TMC5: variants seen among roughly 807,000 people sequenced by gnomAD.
TMC5 encodes transmembrane channel-like protein 5.
Under a neutral mutation model 110.5 loss-of-function variants are expected in TMC5, and 86 were observed. The observed-to-expected ratio is 0.78, with a 90% confidence interval of 0.65 to 0.93. TMC5 has a LOEUF of 0.93. Among genes scored for constraint, TMC5 ranks in the 40% least tolerant of loss-of-function variants. The pLI, the probability that TMC5 is intolerant of heterozygous loss-of-function variation, is 0.00. For missense variants in TMC5, 1,144 were observed against 1,222.8 expected, an observed-to-expected ratio of 0.94 and a Z score of 0.96; for synonymous variants, 455 against 439.5, an observed-to-expected ratio of 1.04 and a Z score of -0.44.
upstream of TMC5, among the ~76,000 whole-genome samples, chr16:19,417,372 T>C (rs899750373): frequency 3.4e-5 from 5 of 147,792 alleles, no homozygotes; most frequent in African/African-American, 1.3e-4. Context: ...TGAGCTGAGA[T>C]TGTGGCACTG....
upstream of TMC5, among the ~76,000 whole-genome samples, chr16:19,413,221 G>T (rs1182658651): frequency 1.3e-5 from 2 of 152,032 alleles, no homozygotes; most frequent in Non-Finnish European, 2.9e-5. Flanking sequence ...GACAAATGCT[G>T]CCTTTAAGTG....
At chr16:19,456,633 A>T in intron 5 of TMC5, 1 of 1,542,650 alleles carries the variant, frequency 6.5e-7, no homozygotes. Context: ...GTCCCAATCA[A>T]TGCGGGTGTG....
intron 20 of TMC5, among the ~76,000 whole-genome samples, chr16:19,495,638 G>A (rs1454512509): frequency 6.6e-6 from 1 of 152,010 alleles, no homozygotes; most frequent in Non-Finnish European, 1.5e-5. Flanking sequence ...GACTGCTTGA[G>A]GCCAGGAGTT....
chr16:19,497,650 A>T (rs1218895383), intron 21 of TMC5, among the ~76,000 whole-genome samples: 1 of 152,188 alleles, frequency 6.6e-6, no homozygotes, highest in Admixed American at 6.5e-5. Flanking sequence ...AAGAGTAGGG[A>T]AGGGTGACTT....
rs1555486287 is a variant in TMC5, at chr16:19,486,625, C to CA, written c.2364-320_2364-319insA. Among the ~76,000 whole-genome samples the CA allele has an allele frequency of 5.9e-5, 9 of 152,170 alleles. No individual in the cohort carries two copies. The South Asian group carries it at 6.2e-4, about 11-fold the overall frequency. On this transcript the variant is annotated intron_variant, in intron 15 of 21. Coordinates refer to ENST00000542583, the MANE Select transcript of TMC5 (RefSeq NM_001261841.2). ...CTCCTGACCTCAGGTGATTCACCCC[C>CA]TCTTGGCCTCCCAAAGTTCTGGGAT...
chr16:19,453,965 G>A (rs917178974), intron 5 of TMC5, among the ~76,000 whole-genome samples: 5 of 151,946 alleles, frequency 3.3e-5, no homozygotes, highest in Non-Finnish European at 7.4e-5. Context: ...CAATCCTCCC[G>A]CCTCAGCCTC....
chr16:19,454,633 G>GGGTTCTAGTTCA (rs1327743904), intron 5 of TMC5, among the ~76,000 whole-genome samples: 3 of 152,150 alleles, frequency 2.0e-5, no homozygotes, highest in Non-Finnish European at 4.4e-5. Context: ...AGGAATACAT[G>GGGTTCTAGTTCA]GGTTCTAGTT....
intron 3 of TMC5, 106 bp from the exon 4 acceptor site, chr16:19,443,975 A>C: frequency 8.7e-7 from 1 of 1,147,114 alleles, no homozygotes; most frequent in Non-Finnish European, 1.2e-6. Context: ...ATGGATAAAT[A>C]AATGGATGAA....
At chr16:19,458,704 C>T (rs1395011511) in intron 5 of TMC5, among the ~76,000 whole-genome samples, 1 of 152,186 alleles carries the variant, frequency 6.6e-6, no homozygotes, top group Non-Finnish European at 1.5e-5. Flanking sequence ...ATATTTTCCT[C>T]TTCCATCTTT....
chr16:19,459,867 G>T (rs1386392175), intron 5 of TMC5, among the ~76,000 whole-genome samples: 1 of 137,642 alleles, frequency 7.3e-6, no homozygotes, highest in Non-Finnish European at 1.5e-5. Flanking sequence ...GCAGTGGGCT[G>T]TGATTGTGCC....
chr16:19,444,092 G>A lies in TMC5; in HGVS notation c.800G>A (p.Arg267Lys). 6.2e-7 allele frequency: 1 copy of A among 1,613,928 alleles called. No homozygotes were observed. The highest frequency in any genetic ancestry group is 8.5e-7 in the Non-Finnish European group (1 of 1,179,932). ...ATTTTGGATTTTAGGGTGCTCAGCA[G>A]AACATCTTCAATCCAGCCCTCATTT... ...TPKMTRGVLS[R>K]TSSIQPSFRH... Residue 267 changes from arginine (R) to lysine (K), a missense_variant, in exon 4 of 22, where the codon AGA becomes AAA. Physicochemically the swap from Arg to Lys is conservative, Grantham distance 26. Coordinates refer to ENST00000542583, the MANE Select transcript of TMC5 (RefSeq NM_001261841.2).
At chr16:19,423,116 C>T (rs939209298) in intron 1 of TMC5, among the ~76,000 whole-genome samples, 6 of 152,188 alleles carry the variant, frequency 3.9e-5, no homozygotes, top group African/African-American at 1.4e-4. Flanking sequence ...TCTCTTCCTT[C>T]TCCCATTCTT....
At chr16:19,470,124 G>T (rs1178212705) in intron 10 of TMC5, among the ~76,000 whole-genome samples, 1 of 151,210 alleles carries the variant, frequency 6.6e-6, no homozygotes, top group East Asian at 2.0e-4. Context: ...TCAATCTCCT[G>T]ACCTCGTGAT....
intron 2 of TMC5, among the ~76,000 whole-genome samples, chr16:19,434,017 TATATATAAATCTATATA>T (rs1567300139): frequency 3.9e-4 from 16 of 40,762 alleles, no homozygotes; most frequent in East Asian, 1.1e-3. Context: ...ATATATAATA[TATATATAAATCTATATA>T]TTATATATAT....
intron 1 of TMC5, among the ~76,000 whole-genome samples, chr16:19,419,540 G>A (rs2143343144): frequency 6.6e-6 from 1 of 151,010 alleles, no homozygotes; most frequent in East Asian, 2.0e-4. Flanking sequence ...AGCCTCCGGA[G>A]TAGCTGGGAC....
At chr16:19,472,047 C>T (rs748074809) in intron 10 of TMC5, 41 bp from the exon 11 acceptor site, 8 of 1,606,572 alleles carry the variant, frequency 5.0e-6, no homozygotes, top group Non-Finnish European at 6.8e-6. Context: ...AGGCGTGAGC[C>T]ACCATGCCCA....
chr16:19,460,416 G>T, intron 6 of TMC5, 82 bp downstream of exon 6: 5 of 981,108 alleles, frequency 5.1e-6, no homozygotes, highest in Non-Finnish European at 7.7e-6. Context: ...AAAAAGATAA[G>T]AAATAAATAA....
chr16:19,491,900 A>AGGAGATGACATGCCC (rs1200239997), intron 18 of TMC5, among the ~76,000 whole-genome samples: 2 of 152,126 alleles, frequency 1.3e-5, no homozygotes, highest in African/African-American at 4.8e-5. Context: ...TCTCCTCTTA[A>AGGAGATGACATGCCC]GGAGATGACA....
intron 17 of TMC5, among the ~76,000 whole-genome samples, chr16:19,488,164 G>A (rs1379373877): frequency 6.6e-6 from 1 of 152,110 alleles, no homozygotes; most frequent in African/African-American, 2.4e-5. Context: ...TTGTAAGCTA[G>A]CCCAGGGAAG....
Sources: gnomAD v4.1 joint callset for allele counts (sites outside exome capture counted in the v4.1 genomes callset) on GRCh38, gnomAD v4.1.1 for gene constraint, MANE v1.5 for transcripts, NCBI Gene and HGNC (gene_info 2026-07-23, HGNC 2026-07-21) for gene names.